The following BAAT variants were observed in gnomAD, a reference collection of about 807,000 sequenced individuals.
The protein encoded by BAAT is bile acid CoA: amino acid N-acyltransferase (glycine N-choloyltransferase).
In BAAT, 13 loss-of-function variants were observed where a neutral mutation model predicts 18.9. The ratio of observed to expected loss-of-function variants is 0.69; its 90% CI spans 0.45 to 1.10. The LOEUF is 1.10. Among genes scored for constraint, BAAT ranks in the 50% least tolerant of loss-of-function variants. BAAT has a pLI of 0.00. For missense variants in BAAT, 489 were observed against 504.0 expected (o/e 0.97, Z 0.28); for synonymous variants, 170 against 190.7 (o/e 0.89, Z 0.89).
At chr9:101,371,620 AG>A in intron 1 of BAAT, 157 bp from the exon 2 acceptor site, 1 of 600,650 alleles carries the variant, frequency 1.7e-6, no homozygotes, top group Non-Finnish European at 2.9e-6. Context: ...GACACCTGAG[AG>A]CTTTCAATGA....
At position 101,362,781 on chromosome 9, in the gene BAAT, T is replaced by A; in HGVS notation, c.904A>T (p.Thr302Ser). The change falls in exon 4 of 4, where the codon ACT becomes TCT. Residue 302 changes from threonine (T) to serine (S), a missense_variant. Physicochemically the swap from Thr to Ser is moderately conservative, Grantham distance 58 (BLOSUM62 1). Coordinates refer to ENST00000259407, the MANE Select transcript of BAAT (RefSeq NM_001701.4). ...AAATATTGACTGGCCCCAACTTGAG[T>A]TGTCTCAAAAGTGCGATAGAGCTCT... ...LLELYRTFET[T>S]QVGASQYLFP... 1 of 1,614,006 alleles carries A rather than the reference T, an allele frequency of 6.2e-7. No individual in the cohort carries two copies. Among genetic ancestry groups the A allele is most frequent in the South Asian group, 1.1e-5 (1 of 91,084 alleles).
chr9:101,373,523 G>A (rs949532379), intron 1 of BAAT, among the ~76,000 whole-genome samples: 1 of 152,174 alleles, frequency 6.6e-6, no homozygotes, highest in Non-Finnish European at 1.5e-5. Flanking sequence ...AAGCATGAGA[G>A]ACAAGAATGA....
intron 1 of BAAT, among the ~76,000 whole-genome samples, chr9:101,374,162 A>G (rs1012194576): frequency 2.6e-5 from 4 of 152,190 alleles, no homozygotes; most frequent in African/African-American, 9.6e-5. Flanking sequence ...ACTCAAGACT[A>G]CACTAAATCC....
At chr9:101,378,527 T>C (rs939494407) in intron 1 of BAAT, among the ~76,000 whole-genome samples, 6 of 152,222 alleles carry the variant, frequency 3.9e-5, no homozygotes, top group South Asian at 2.1e-4. Context: ...GCTAGCCATA[T>C]GCAGAAAATG....
intron 1 of BAAT, among the ~76,000 whole-genome samples, chr9:101,378,999 A>G (rs1019201243): frequency 6.6e-6 from 1 of 152,268 alleles, no homozygotes; most frequent in African/African-American, 2.4e-5. Context: ...ATCACTGGTC[A>G]TTAGAGAAAT....
chr9:101,371,111 A>G lies in BAAT; in HGVS notation c.294T>C (p.Asn98=), dbSNP rs200611677. 4.3e-6 allele frequency: 7 copies of G among 1,614,102 alleles called. No individual in the cohort carries two copies. Among genetic ancestry groups the G allele is most frequent in the Non-Finnish European group, 5.1e-6 (6 of 1,180,014 alleles). The change falls in exon 2 of 4, where the codon AAT becomes AAC. Residue 98 remains asparagine, a synonymous_variant. Transcript: ENST00000259407. ...LTRLLKRDVM[N]RPFQVQVKLY... Reference sequence around the variant, plus strand: ...GTTTTACTTGGACCTGGAAAGGCCTATTCATCACATCTCTTTTCAACAGTC... The same window carrying G: ...GTTTTACTTGGACCTGGAAAGGCCTGTTCATCACATCTCTTTTCAACAGTC...
intron 1 of BAAT, among the ~76,000 whole-genome samples, chr9:101,381,797 T>C (rs1028857498): frequency 6.6e-6 from 1 of 152,130 alleles, no homozygotes; most frequent in Non-Finnish European, 1.5e-5. Flanking sequence ...TGAGTAAACA[T>C]TGAATATGTT....
chr9:101,376,460 A>G (rs1052833868), intron 1 of BAAT: 16 of 154,378 alleles, frequency 1.0e-4, no homozygotes, highest in Middle Eastern at 1.2e-3. Flanking sequence ...TTAGAAAATT[A>G]TGCTTCTTTC....
At chr9:101,372,295 A>T (rs77917368) in intron 1 of BAAT, among the ~76,000 whole-genome samples, 1 of 8,638 alleles carries the variant, frequency 1.2e-4, no homozygotes, top group Non-Finnish European at 6.5e-4. Context: ...AATGAAAGTT[A>T]AAAAAAAAAA....
intron 1 of BAAT, among the ~76,000 whole-genome samples, chr9:101,382,732 C>T (rs1830151483): frequency 6.6e-6 from 1 of 152,146 alleles, no homozygotes; most frequent in Non-Finnish European, 1.5e-5. Flanking sequence ...ACAGATTTGC[C>T]ACCAGTAACT....
At chr9:101,375,099 G>T (rs1488140685) in intron 1 of BAAT, among the ~76,000 whole-genome samples, 1 of 152,142 alleles carries the variant, frequency 6.6e-6, no homozygotes, top group Admixed American at 6.5e-5. Flanking sequence ...CACGGGAGTT[G>T]TTCCCCCCCA....
At chr9:101,379,123 A>G (rs1830092621) in intron 1 of BAAT, among the ~76,000 whole-genome samples, 1 of 152,226 alleles carries the variant, frequency 6.6e-6, no homozygotes, top group Non-Finnish European at 1.5e-5. Flanking sequence ...ACAGTTGTAC[A>G]CTGTTGGTGG....
rs1829738447 is a variant in BAAT at position 101,362,227 on chromosome 9, A to G, written c.*201T>C. 3 of 629,738 alleles carry G rather than the reference A, an allele frequency of 4.8e-6. No individual in the cohort carries two copies. The highest frequency in any genetic ancestry group is 5.5e-6 in the Non-Finnish European group (2 of 363,116). 39.0% of individuals were successfully genotyped at this position (629,738 alleles called of 1,614,324 possible). A position where few individuals can be genotyped will look rare whatever the true frequency, so the allele number is the denominator to read the frequency against. On this transcript the variant is annotated 3_prime_UTR_variant, in exon 4 of 4. Coordinates refer to ENST00000259407, the MANE Select transcript of BAAT (RefSeq NM_001701.4). ...AATAAGTAAAATGATTTGTTTTATG[A>G]TTTATTCACCATGTCCAGTTTGGTT...
Position 101,360,631 on chromosome 9 carries a change from C to G in BAAT, c.*1797G>C, listed in dbSNP as rs1829703361. The G allele has an allele frequency of 6.6e-6, 1 of 151,970 alleles. No homozygotes were observed. The highest frequency in any genetic ancestry group is 1.5e-5 in the Non-Finnish European group (1 of 67,974). The allele number at this position is 151,970 out of a possible 1,614,324, so 9.4% of individuals were successfully genotyped here. ...GCCACACACTTTTAAACAGTCATAT[C>G]TCTTGAGAACTCACTCACTATCATA... is the stretch of plus-strand genomic sequence containing the variant. On this transcript the variant is annotated 3_prime_UTR_variant, in exon 4 of 4. Transcript: ENST00000259407.
In BAAT at chr9:101,362,626, G is replaced by A. The variant is rs1324918506; in HGVS notation, c.1059C>T (p.Thr353=). The A allele has an allele frequency of 1.9e-6, 3 of 1,613,962 alleles. No individual in the cohort carries two copies. In the Admixed American group the frequency reaches 5.0e-5, roughly 27 times the overall value. ...GGCCTGCCCCAGGGTAAGATAGCAG[G>A]GTCCAGTTGTTCTTCCCATGTCTCT... ...QLKRHGKNNW[T]LLSYPGAGHL... Residue 353 remains threonine (T), a synonymous_variant, in exon 4 of 4, where the codon ACC becomes ACT. Coordinates refer to ENST00000259407, the MANE Select transcript of BAAT (RefSeq NM_001701.4).
intron 1 of BAAT, among the ~76,000 whole-genome samples, chr9:101,374,224 T>G (rs1025471920): frequency 1.3e-5 from 2 of 152,200 alleles, no homozygotes; most frequent in African/African-American, 4.8e-5. Context: ...GTTACCTGTC[T>G]TTCAACTTGC....
chr9:101,366,696 G>A (rs781359423), intron 3 of BAAT, among the ~76,000 whole-genome samples: 8 of 152,168 alleles, frequency 5.3e-5, no homozygotes, highest in Non-Finnish European at 1.2e-4. Context: ...TTCGAGGGCA[G>A]TTCCATTATA....
At position 101,370,974 on chromosome 9, in the gene BAAT, T is replaced by C; in HGVS notation, c.431A>G (p.Glu144Gly). 6.2e-7 allele frequency: 1 copy of C among 1,614,088 alleles called. No homozygotes were observed. Among genetic ancestry groups the C allele is most frequent in the Non-Finnish European group, 8.5e-7 (1 of 1,180,014 alleles). The change falls in exon 2 of 4, where the codon GAA becomes GGA. Residue 144 changes from glutamate to glycine, a missense_variant. Glu to Gly is a moderately conservative substitution (Grantham distance 98). Coordinates refer to ENST00000259407, the MANE Select transcript of BAAT (RefSeq NM_001701.4). The stretch of plus-strand genomic sequence containing the variant: ...AAAGAGAGCTCCTCGAAGGCGGCCT[T>C]CTCGAACCTTAATTCGTGTGACACC... ...APGVTRIKVR[E>G]GRLRGALFLP...
chr9:101,383,333 A>G (rs996826640), intron 1 of BAAT: 1 of 152,228 alleles, frequency 6.6e-6, no homozygotes, highest in African/African-American at 2.4e-5. Flanking sequence ...TGAAATGAAC[A>G]AAAAGACTAT....
Sources: allele counts gnomAD v4.1 joint callset (sites outside exome capture counted in the v4.1 genomes callset), GRCh38; gene constraint gnomAD v4.1.1; transcripts MANE v1.5; gene names NCBI Gene and HGNC (gene_info 2026-07-23, HGNC 2026-07-21).